The following GSTT4 variants were observed in gnomAD, a reference collection of about 807,000 sequenced individuals.
The protein encoded by GSTT4 is glutathione S-transferase theta-4.
chr22:23,997,022 C>A (rs554652), downstream of GSTT4, among the ~76,000 whole-genome samples: 2 of 151,878 alleles, frequency 1.3e-5, no homozygotes, highest in African/African-American at 4.8e-5. Flanking sequence ...TTGTTACAGG[C>A]CTATTAAAAT....
downstream of GSTT4, among the ~76,000 whole-genome samples, chr22:23,997,928 G>T (rs1412098189): frequency 6.6e-6 from 1 of 152,186 alleles, no homozygotes; most frequent in Non-Finnish European, 1.5e-5. Flanking sequence ...TAACCCATTT[G>T]TTGTTTAAGA....
At chr22:23,992,052 CAAAA>C in the GSTT4 span, among the ~76,000 whole-genome samples, 10 of 71,190 alleles carry the variant, frequency 1.4e-4, no homozygotes, top group Admixed American at 7.4e-4. Flanking sequence ...TACTCCGTCT[CAAAA>C]AAAAAAAAAA....
downstream of GSTT4, among the ~76,000 whole-genome samples, chr22:23,994,590 T>G (rs2034097997): frequency 6.6e-6 from 1 of 151,680 alleles, no homozygotes; most frequent in African/African-American, 2.4e-5. Context: ...TTGTAGCATA[T>G]AACGGTACTT....
intron 2 of GSTT4, among the ~76,000 whole-genome samples, chr22:24,002,281 G>GAA (rs2034247978): frequency 2.0e-5 from 3 of 152,234 alleles, no homozygotes; most frequent in Non-Finnish European, 4.4e-5. Flanking sequence ...ACAATGAGGG[G>GAA]GCCAGCAACT....
At chr22:23,990,665 C>G in the GSTT4 span, among the ~76,000 whole-genome samples, 2 of 66,712 alleles carry the variant, frequency 3.0e-5, no homozygotes, top group Non-Finnish European at 7.0e-5. Flanking sequence ...AACAAACAAA[C>G]AATAAAAAAG....
chr22:24,002,404 G>T (rs1354123101), intron 2 of GSTT4, among the ~76,000 whole-genome samples: 9 of 152,270 alleles, frequency 5.9e-5, no homozygotes. Context: ...ATTGATGGCT[G>T]GTGTGGGAAC....
chr22:23,992,793 C>G, the GSTT4 span, among the ~76,000 whole-genome samples: 1 of 63,442 alleles, frequency 1.6e-5, no homozygotes, highest in Non-Finnish European at 3.3e-5. Context: ...TTTTTTTTTT[C>G]GAGACAGGGT....
chr22:23,995,321 T>C (rs559832831), downstream of GSTT4, among the ~76,000 whole-genome samples: 8 of 152,306 alleles, frequency 5.3e-5, no homozygotes, highest in South Asian at 1.7e-3. Context: ...GCTTTTGGAA[T>C]TGAACTGCTG....
rs1030685608 is a variant in GSTT4, at chr22:24,003,798, C to A, written c.162G>T (p.Leu54=). Residue 54 remains leucine, a synonymous_variant, in exon 2 of 5, where the codon CTG becomes CTT. Transcript: ENST00000621179. The part of the protein sequence containing the change: ...GYIDINPLRK[L]PSLKDGKFIL... Reference sequence around the variant, plus strand: ...TAAATTTCCCATCTTTGAGGCTGGGCAGCTTCCTGAGGGGGTTGATGTCAA... The same window carrying A: ...TAAATTTCCCATCTTTGAGGCTGGGAAGCTTCCTGAGGGGGTTGATGTCAA... The A allele has an allele frequency of 2.9e-3, 448 of 155,916 alleles. No individual in the cohort carries two copies. The East Asian group carries it at 0.049, about 17-fold the overall frequency. 9.7% of individuals were successfully genotyped at this position (155,916 alleles called of 1,614,324 possible). A position where few individuals can be genotyped will look rare whatever the true frequency, so the allele number is the denominator to read the frequency against.
At chr22:23,997,885 G>T (rs2034132832), downstream of GSTT4, among the ~76,000 whole-genome samples, 1 of 152,138 alleles carries the variant, frequency 6.6e-6, no homozygotes, top group Non-Finnish European at 1.5e-5. Context: ...ATTTGTTCAG[G>T]ATACTTTTTG....
rs1235765810 is a variant in GSTT4 at position 24,005,282 on chromosome 22, G to A, written c.75C>T (p.Asp25=). The A allele has an allele frequency of 6.5e-6, 1 of 153,348 alleles. No homozygotes were observed. The highest frequency in any genetic ancestry group is 2.4e-5 in the African/African-American group (1 of 41,490). The allele number at this position is 153,348 out of a possible 1,614,324, so 9.5% of individuals were successfully genotyped here. The change falls in exon 1 of 5, where the codon GAC becomes GAT. Residue 25 remains aspartate, a synonymous_variant. Transcript: ENST00000621179. Reference sequence around the variant, plus strand: ...CCACAAACTGAAAGTTGAACTGGATGTCATGCTTCTTCGAGAAGATGTAGA... The same window carrying A: ...CCACAAACTGAAAGTTGAACTGGATATCATGCTTCTTCGAGAAGATGTAGA... ...RAVYIFSKKH[D]IQFNFQFVDL... is the part of the protein sequence containing the mutation.
chr22:23,992,657 T>G, the GSTT4 span, among the ~76,000 whole-genome samples: 1 of 151,354 alleles, frequency 6.6e-6, no homozygotes, highest in East Asian at 1.9e-4. Context: ...GTCCAAGGAG[T>G]TCAAAGATCT....
chr22:23,993,928 C>A (rs1354480880), downstream of GSTT4, among the ~76,000 whole-genome samples: 2 of 152,158 alleles, frequency 1.3e-5, no homozygotes, highest in African/African-American at 4.8e-5. Context: ...GTTTTCCTCC[C>A]TTCCCCCAAT....
chr22:24,004,689 A>C (rs1388958148), intron 1 of GSTT4: 2 of 154,064 alleles, frequency 1.3e-5, no homozygotes, highest in African/African-American at 4.8e-5. Context: ...GAGCCCAGGG[A>C]GTCCCAGCTA....
downstream of GSTT4, among the ~76,000 whole-genome samples, chr22:23,997,262 G>A (rs1433993208): frequency 6.6e-6 from 1 of 151,842 alleles, no homozygotes; most frequent in East Asian, 1.9e-4. Flanking sequence ...ATGTGCCCAG[G>A]CTGGAGTGCA....
At chr22:23,996,429 G>A (rs1361553813), downstream of GSTT4, among the ~76,000 whole-genome samples, 3 of 54,360 alleles carry the variant, frequency 5.5e-5, no homozygotes, top group African/African-American at 1.8e-4. Flanking sequence ...CCTGATCTTA[G>A]GGGGGAAACG....
At chr22:24,005,009 C>CA (rs2034321116) in intron 1 of GSTT4, 2 of 148,576 alleles carry the variant, frequency 1.3e-5, no homozygotes, top group Non-Finnish European at 1.5e-5. Flanking sequence ...GTTAAAAATA[C>CA]AAAAAATTAG....
chr22:23,999,922 A>T (rs2034188790), intron 4 of GSTT4, among the ~76,000 whole-genome samples, 153 bp downstream of exon 4: 1 of 152,222 alleles, frequency 6.6e-6, no homozygotes, highest in African/African-American at 2.4e-5. Context: ...GCCCCGATTG[A>T]GTCCAGGCCC....
chr22:23,991,912 G>A, the GSTT4 span, among the ~76,000 whole-genome samples: 3 of 144,702 alleles, frequency 2.1e-5, no homozygotes, highest in Admixed American at 1.4e-4. Context: ...AATTAGCCGG[G>A]CGGGGTGGCG....
Sources: allele counts gnomAD v4.1 joint callset (sites outside exome capture counted in the v4.1 genomes callset), GRCh38; gene constraint gnomAD v4.1.1; transcripts MANE v1.5; gene names NCBI Gene and HGNC (gene_info 2026-07-23, HGNC 2026-07-21).